The following AFF3 variants were observed in gnomAD, a reference collection of about 807,000 sequenced individuals.
The protein encoded by AFF3 is AF4/FMR2 family member 3.
In AFF3, 32 loss-of-function variants were observed where a neutral mutation model predicts 129.7. The ratio of observed to expected loss-of-function variants is 0.25; its 90% confidence interval spans 0.19 to 0.33. The LOEUF (loss-of-function observed/expected upper bound fraction) is 0.33. Among genes scored for constraint, AFF3 ranks in the 10% least tolerant of loss-of-function variants. The pLI, the probability that AFF3 is intolerant of heterozygous loss-of-function variation, is 1.00. For synonymous variants in AFF3, 644 were observed against 635.4 expected (o/e 1.01, Z -0.20); for missense variants, 1,373 against 1,592.0 (o/e 0.86, Z 2.34).
chr2:99,741,277 T>C (rs1385413401), intron 10 of AFF3, among the ~76,000 whole-genome samples: 1 of 152,142 alleles, frequency 6.6e-6, no homozygotes, highest in Non-Finnish European at 1.5e-5. Flanking sequence ...GGAAGTCAAA[T>C]TGTCTCTGTT....
intron 7 of AFF3, among the ~76,000 whole-genome samples, chr2:99,960,529 A>G (rs1677111452): frequency 6.6e-6 from 1 of 152,206 alleles, no homozygotes; most frequent in Non-Finnish European, 1.5e-5. Context: ...TGCTTTATCA[A>G]CAATATGCTA....
intron 7 of AFF3, among the ~76,000 whole-genome samples, chr2:99,966,346 AAAT>A (rs1000455246): frequency 2.6e-5 from 4 of 152,212 alleles, no homozygotes; most frequent in Admixed American, 6.5e-5. Context: ...CATGGACAAA[AAAT>A]AATAATAATA....
chr2:99,695,705 C>T (rs577897373), intron 11 of AFF3, among the ~76,000 whole-genome samples: 2 of 152,162 alleles, frequency 1.3e-5, no homozygotes, highest in South Asian at 4.2e-4. Flanking sequence ...CTCAAATGCA[C>T]AACACAGTAC....
chr2:99,812,157 G>C (rs1686840568), intron 8 of AFF3, among the ~76,000 whole-genome samples: 1 of 152,146 alleles, frequency 6.6e-6, no homozygotes, highest in African/African-American at 2.4e-5. Flanking sequence ...GGCCAATCCT[G>C]ATGACCAGGT....
intron 22 of AFF3, among the ~76,000 whole-genome samples, chr2:99,556,450 A>AT (rs371929546): frequency 6.6e-6 from 1 of 152,168 alleles, no homozygotes; most frequent in East Asian, 1.9e-4. Context: ...TCAAAAAAAA[A>AT]CAACAAAAAA....
chr2:99,870,119 T>C (rs1691762846), intron 7 of AFF3, among the ~76,000 whole-genome samples: 1 of 152,184 alleles, frequency 6.6e-6, no homozygotes, highest in Non-Finnish European at 1.5e-5. Flanking sequence ...GAACAGAGCT[T>C]GGCAGATTCT....
At chr2:99,589,984 G>C (rs186732380) in intron 15 of AFF3, among the ~76,000 whole-genome samples, 1 of 152,326 alleles carries the variant, frequency 6.6e-6, no homozygotes, top group East Asian at 1.9e-4. Context: ...GGCAAGTGTA[G>C]CCTCTCAAGG....
chr2:99,742,441 C>T (rs1362379895), intron 10 of AFF3, among the ~76,000 whole-genome samples: 2 of 152,162 alleles, frequency 1.3e-5, no homozygotes, highest in East Asian at 3.8e-4. Context: ...GGGTTTTATA[C>T]CACACAGGGA....
intron 8 of AFF3, among the ~76,000 whole-genome samples, chr2:99,788,461 T>A (rs1480442972): frequency 6.6e-6 from 1 of 152,014 alleles, no homozygotes; most frequent in African/African-American, 2.4e-5. Context: ...CCAAAAAAAT[T>A]AAAAAGAAAA....
At position 100,050,483 on chromosome 2, in the gene AFF3, G is replaced by A. The variant is rs150990838; in HGVS notation, c.54-41551C>T. The stretch of plus-strand genomic sequence containing the variant: ...TTTTTAGATCCCAGAAAGAATCCAT[G>A]CCACAGAGCAGCCAAGATGTTTCTT... On this transcript the variant is annotated intron_variant, in intron 4 of 24. Coordinates refer to ENST00000672756, the MANE Select transcript of AFF3 (RefSeq NM_001386135.1). Among the ~76,000 whole-genome samples the A allele has an allele frequency of 2.6e-5, 4 of 152,076 alleles. No individual in the cohort carries two copies. The East Asian group carries it at 7.8e-4, about 30-fold the overall frequency.
At chr2:99,729,655 T>C (rs1679648099) in intron 10 of AFF3, among the ~76,000 whole-genome samples, 1 of 152,044 alleles carries the variant, frequency 6.6e-6, no homozygotes, top group Admixed American at 6.6e-5. Flanking sequence ...AGAATTATGG[T>C]CTCTTTATTA....
chr2:99,711,821 A>C (rs1677920360), intron 11 of AFF3, among the ~76,000 whole-genome samples: 1 of 152,234 alleles, frequency 6.6e-6, no homozygotes. Flanking sequence ...GAGGAAGCAC[A>C]GGCAGTCTGT....
chr2:99,997,794 C>T (rs1680993359), intron 7 of AFF3, among the ~76,000 whole-genome samples: 1 of 152,196 alleles, frequency 6.6e-6, no homozygotes, highest in Non-Finnish European at 1.5e-5. Context: ...CTCCAGCTTT[C>T]CATCCTACTC....
chr2:100,094,289 T>A (rs574915211), intron 4 of AFF3, among the ~76,000 whole-genome samples: 1 of 151,978 alleles, frequency 6.6e-6, no homozygotes, highest in African/African-American at 2.4e-5. Context: ...CTCACCATAA[T>A]GTAGAATCAG....
intron 4 of AFF3, among the ~76,000 whole-genome samples, chr2:100,062,724 G>A (rs1230557180): frequency 6.6e-6 from 1 of 152,070 alleles, no homozygotes; most frequent in African/African-American, 2.4e-5. Flanking sequence ...CTTGACTTAG[G>A]CCCCAAGACT....
chr2:99,932,826 C>T (rs150692643), intron 7 of AFF3, among the ~76,000 whole-genome samples: 3 of 152,318 alleles, frequency 2.0e-5, no homozygotes, highest in Non-Finnish European at 2.9e-5. Context: ...ACAGTTTCCA[C>T]GTGACCCCAT....
At chr2:100,076,896 C>T (rs1428893508) in intron 4 of AFF3, among the ~76,000 whole-genome samples, 1 of 152,138 alleles carries the variant, frequency 6.6e-6, no homozygotes, top group African/African-American at 2.4e-5. Context: ...CCTCCTAATG[C>T]CTGCAACCTC....
In AFF3 at chr2:99,648,486, T is replaced by C. The variant is rs1018980422; in HGVS notation, c.1184+1140A>G. Among the ~76,000 whole-genome samples, 21 of 152,236 alleles carry C rather than the reference T, an allele frequency of 1.4e-4. 1 individual carries two copies. Among genetic ancestry groups the C allele is most frequent in the Non-Finnish European group, 1.6e-4 (11 of 67,998 alleles). ...GAGCAGTCATCAGCTTTTGTGAAAA[T>C]CCCAAAAGCAATTCCAGAAGATCAT... On this transcript the variant is annotated intron_variant, in intron 13 of 24. Coordinates refer to ENST00000672756, the MANE Select transcript of AFF3 (RefSeq NM_001386135.1).
chr2:99,608,134 T>C (rs1388711936), intron 13 of AFF3, among the ~76,000 whole-genome samples: 2 of 152,220 alleles, frequency 1.3e-5, no homozygotes, highest in Non-Finnish European at 2.9e-5. Flanking sequence ...TCCCTAAACC[T>C]TGGCAATAAT....
Sources: gnomAD v4.1 joint callset for allele counts (sites outside exome capture counted in the v4.1 genomes callset) on GRCh38, gnomAD v4.1.1 for gene constraint, MANE v1.5 for transcripts, NCBI Gene and HGNC (gene_info 2026-07-23, HGNC 2026-07-21) for gene names.